Variants in PDE2A observed in about 807,000 individuals in gnomAD.
The protein encoded by PDE2A is phosphodiesterase 2A.
In PDE2A, 53 loss-of-function variants were observed where a neutral mutation model predicts 133.6. That is an observed-to-expected ratio of 0.40 (90% CI 0.32 to 0.50). PDE2A has a LOEUF of 0.50. PDE2A is among the 20% of genes least tolerant of loss of function. The pLI is 0.73. For missense variants in PDE2A, 796 were observed against 1,232.4 expected (o/e 0.65, Z 5.30); for synonymous variants, 491 against 490.2 (o/e 1.00, Z -0.02).
In PDE2A at chr11:72,581,493, G is replaced by C; in HGVS notation, c.1923-14C>G. ...ATCAAACAGAACCTGGGGGAGGGAA[G>C]AGGGCAGAAGAGGGGCCTCAGCCTC... is the stretch of plus-strand genomic sequence containing the variant. On this transcript the variant is annotated splice_polypyrimidine_tract_variant and intron_variant, in intron 22 of 30. Transcript: ENST00000334456. The C allele has an allele frequency of 6.3e-7, 1 of 1,578,720 alleles. No homozygotes were observed. Among genetic ancestry groups the C allele is most frequent in the Non-Finnish European group, 8.6e-7 (1 of 1,162,328 alleles).
chr11:72,650,337 C>T (rs1854697360), intron 1 of PDE2A, among the ~76,000 whole-genome samples: 1 of 151,908 alleles, frequency 6.6e-6, no homozygotes, highest in African/African-American at 2.4e-5. Context: ...CCAAGAAACT[C>T]TTCAGCAACC....
intron 13 of PDE2A, among the ~76,000 whole-genome samples, chr11:72,586,782 G>C (rs1349232188): frequency 6.6e-6 from 1 of 152,192 alleles, no homozygotes; most frequent in African/African-American, 2.4e-5. Flanking sequence ...TGGGTCATGG[G>C]AAGAGCCTGC....
At chr11:72,643,134 G>A (rs945932620) in intron 1 of PDE2A, 1 of 152,330 alleles carries the variant, frequency 6.6e-6, no homozygotes, top group East Asian at 1.9e-4. Flanking sequence ...CGCGCTCCGG[G>A]AGCGCGTTTC....
At chr11:72,646,673 G>C (rs1464455698) in intron 1 of PDE2A, among the ~76,000 whole-genome samples, 1 of 152,080 alleles carries the variant, frequency 6.6e-6, no homozygotes, top group Non-Finnish European at 1.5e-5. Flanking sequence ...TCATCCCCAC[G>C]TGACTTTTTC....
intron 30 of PDE2A, among the ~76,000 whole-genome samples, chr11:72,577,886 C>T (rs1482413876): frequency 6.6e-6 from 1 of 152,120 alleles, no homozygotes; most frequent in African/African-American, 2.4e-5. Flanking sequence ...GCAGGAGAAT[C>T]GCTTGAACCC....
intron 2 of PDE2A, chr11:72,615,239 C>T (rs1219146330): frequency 1.2e-5 from 4 of 320,336 alleles, no homozygotes; most frequent in Admixed American, 5.6e-5. Context: ...CCCGGCCTCT[C>T]GCCCTTCCCA....
At chr11:72,668,724 C>T (rs1479668318) in intron 1 of PDE2A, among the ~76,000 whole-genome samples, 1 of 152,262 alleles carries the variant, frequency 6.6e-6, no homozygotes, top group East Asian at 1.9e-4. Flanking sequence ...GACTTAACCC[C>T]TTCTTCACCA....
Position 72,597,457 on chromosome 11 carries a change from C to T in PDE2A, c.433+53G>A, listed in dbSNP as rs558670960. On this transcript the variant is annotated intron_variant, in intron 5 of 30. Transcript: ENST00000334456. The surrounding 1 kb of genome is among the most constrained non-coding windows in gnomAD (Gnocchi z 4.6). The stretch of plus-strand genomic sequence containing the variant: ...ACACACATGACCTGGAGTGCAGGGG[C>T]CACAGTCCCTCCCTGCCCCTGCCCC... 9.6e-7 allele frequency: 1 copy of T among 1,037,276 alleles called. No homozygotes were observed. Among genetic ancestry groups the T allele is most frequent in the South Asian group, 1.3e-5 (1 of 78,526 alleles). 64.3% of individuals were successfully genotyped at this position (1,037,276 alleles called of 1,614,324 possible).
chr11:72,599,601 G>A (rs1473894891), intron 4 of PDE2A, among the ~76,000 whole-genome samples: 1 of 152,078 alleles, frequency 6.6e-6, no homozygotes, highest in Non-Finnish European at 1.5e-5. Context: ...CCTTTTCCCT[G>A]AACCCTGAAG....
chr11:72,593,410 G>A (rs1856340839), intron 6 of PDE2A, among the ~76,000 whole-genome samples: 1 of 152,068 alleles, frequency 6.6e-6, no homozygotes, highest in Non-Finnish European at 1.5e-5. Context: ...ACTTACACCT[G>A]CTCTTGCTAA....
chr11:72,642,218 C>T, intron 2 of PDE2A, 36 bp downstream of exon 2: 1 of 1,445,162 alleles, frequency 6.9e-7, no homozygotes, highest in African/African-American at 1.5e-5. Context: ...GCCGGACACC[C>T]CGTTCTCCTG....
Position 72,578,894 on chromosome 11 carries a change from T to C in PDE2A, c.2469+3A>G. The C allele has an allele frequency of 6.3e-7, 1 of 1,596,332 alleles. No individual in the cohort carries two copies. Among genetic ancestry groups the C allele is most frequent in the East Asian group, 2.2e-5 (1 of 44,796 alleles). ...GTGCCTTCCCAGGGAGGACTACACC[T>C]ACCGCGATCTTTCTCGTAGTCTTCC... On this transcript the variant is annotated splice_donor_region_variant and intron_variant, in intron 28 of 30. Transcript: ENST00000334456. This position sits in a 1 kb window ranked among gnomAD's most constrained non-coding sequence, Gnocchi z 4.2.
In PDE2A at chr11:72,625,414, A is replaced by C. The variant is rs1858008433; in HGVS notation, c.145-16663T>G. Among the ~76,000 whole-genome samples, 3 of 152,230 alleles carry C rather than the reference A, an allele frequency of 2.0e-5. No individual in the cohort carries two copies. The South Asian group carries it at 6.2e-4, about 31-fold the overall frequency. On this transcript the variant is annotated intron_variant, in intron 2 of 30. Transcript: ENST00000334456. ...CAGCAACTGAACAACTGTGGACAGGACCAGCCCAATGCTCCACGTGAAGCT... is the reference window on the plus strand; with the variant it reads ...CAGCAACTGAACAACTGTGGACAGGCCCAGCCCAATGCTCCACGTGAAGCT...
rs768257356 is a variant in PDE2A, at chr11:72,589,198, T to G, written c.916A>C (p.Ile306Leu). 1 of 1,613,726 alleles carries G rather than the reference T, an allele frequency of 6.2e-7. No homozygotes were observed. Among genetic ancestry groups the G allele is most frequent in the Non-Finnish European group, 8.5e-7 (1 of 1,179,886 alleles). Reference protein sequence around the residue: ...LGQVVEDKKSIQLKDLTSEDV... With the variant: ...LGQVVEDKKSLQLKDLTSEDV... ...ACGGAGGTGAGGTCCTTCAGCTGGA[T>G]GGACTTCTTGTCTTCCACCACCTGG... Residue 306 changes from isoleucine to leucine, a missense_variant, in exon 12 of 31, where the codon ATC becomes CTC. Physicochemically the swap from Ile to Leu is conservative, Grantham distance 5. Coordinates refer to ENST00000334456, the MANE Select transcript of PDE2A (RefSeq NM_002599.5).
intron 1 of PDE2A, among the ~76,000 whole-genome samples, chr11:72,656,872 A>C (rs1398393654): frequency 6.6e-6 from 1 of 152,144 alleles, no homozygotes; most frequent in Admixed American, 6.5e-5. Flanking sequence ...CCTCCCATTT[A>C]AAAATCAAAG....
At chr11:72,646,133 C>A (rs1403255027) in intron 1 of PDE2A, among the ~76,000 whole-genome samples, 1 of 152,212 alleles carries the variant, frequency 6.6e-6, no homozygotes, top group Non-Finnish European at 1.5e-5. Context: ...CAGCTTTCCT[C>A]CCAGCTCCAG....
At position 72,674,254 on chromosome 11, in the gene PDE2A, C is replaced by T. The variant is rs1463045902; in HGVS notation, c.-47G>A. ...CCAGCCAGACTAAGGTGGCACCTCG[C>T]CCTGTCCCCGCTGCCTGGAGTTCAG... is the stretch of plus-strand genomic sequence containing the variant. On this transcript the variant is annotated 5_prime_UTR_variant, in exon 1 of 31. Transcript: ENST00000334456. 6.4e-7 allele frequency: 1 copy of T among 1,573,336 alleles called. No homozygotes were observed. Among genetic ancestry groups the T allele is most frequent in the East Asian group, 2.3e-5 (1 of 43,290 alleles).
chr11:72,594,029 C>T (rs1464165148), intron 6 of PDE2A, among the ~76,000 whole-genome samples: 1 of 152,212 alleles, frequency 6.6e-6, no homozygotes, highest in African/African-American at 2.4e-5. Flanking sequence ...TGGGGTTATG[C>T]TCACTTTAGT....
intron 2 of PDE2A, chr11:72,636,238 G>T: frequency 1.6e-6 from 1 of 644,270 alleles, no homozygotes; most frequent in Non-Finnish European, 2.0e-6. Context: ...CTTCAAGGGA[G>T]CCAGATCCAA....
Sources: gnomAD v4.1 joint callset for allele counts (sites outside exome capture counted in the v4.1 genomes callset) on GRCh38, gnomAD v4.1.1 for gene constraint, Gnocchi (gnomAD v3.1) non-coding constraint, MANE v1.5 for transcripts, NCBI Gene and HGNC (gene_info 2026-07-23, HGNC 2026-07-21) for gene names.